The following MTMR1 variants were observed in gnomAD, a reference collection of about 807,000 sequenced individuals.
The protein encoded by MTMR1 is phosphatidylinositol-3-phosphate phosphatase MTMR1.
Under a neutral mutation model 51.6 loss-of-function variants are expected in MTMR1, and 17 were observed. The ratio of observed to expected loss-of-function variants is 0.33; its 90% CI spans 0.23 to 0.49. The LOEUF (loss-of-function observed/expected upper bound fraction) is 0.49, where lower values mean the gene tolerates loss of function less well. Ranked by LOEUF, MTMR1 falls within the 20% of genes least tolerant of loss-of-function variation. MTMR1 has a pLI of 0.99. For missense variants in MTMR1, 386 were observed against 526.9 expected (o/e 0.73, Z 2.62); for synonymous variants, 201 against 205.6 (o/e 0.98, Z 0.19).
chrX:150,710,847 G>C (rs2041283126), intron 2 of MTMR1, among the ~76,000 whole-genome samples: 1 of 112,134 alleles, frequency 8.9e-6, no homozygotes, highest in Admixed American at 9.4e-5. Context: ...AGTAGTTTGA[G>C]AGTTAATTTT....
Position 150,765,019 on chromosome X carries a change from C to G in MTMR1, c.*2290C>G, listed in dbSNP as rs2043258215. 1 of 112,309 alleles carries G rather than the reference C, an allele frequency of 8.9e-6. No individual in the cohort carries two copies. Among genetic ancestry groups the G allele is most frequent in the Non-Finnish European group, 1.9e-5 (1 of 53,314 alleles). The allele number at this position is 112,309 out of a possible 1,213,427, so 9.3% of individuals were successfully genotyped here. A position where few individuals can be genotyped will look rare whatever the true frequency, so the allele number is the denominator to read the frequency against. On this transcript the variant is annotated 3_prime_UTR_variant, in exon 16 of 16. Coordinates refer to ENST00000445323, the MANE Select transcript of MTMR1 (RefSeq NM_001306144.3). ...TAAAATAACATGGATTGAATGTTTA[C>G]TGTGCGTCAAGCACAGTTAATATAT...
rs945722437 is a variant in MTMR1, at chrX:150,716,509, A to T, written c.277-2116A>T. 8.0e-5 allele frequency among the ~76,000 whole-genome samples: 9 copies of T among 113,070 alleles called. No homozygotes were observed. In the Admixed American group the frequency reaches 8.4e-4, roughly 11 times the overall value. On this transcript the variant is annotated intron_variant, in intron 3 of 15. Transcript: ENST00000445323. ...GTGTTTACTTCCAAAAAATTTTGGCAGAAAATGTCTTTAAAAACCAGTCTG... is the reference window on the plus strand; with the variant it reads ...GTGTTTACTTCCAAAAAATTTTGGCTGAAAATGTCTTTAAAAACCAGTCTG...
At chrX:150,718,130 G>A (rs782519670) in intron 3 of MTMR1, among the ~76,000 whole-genome samples, 2 of 112,607 alleles carry the variant, frequency 1.8e-5, no homozygotes, top group South Asian at 3.7e-4. Flanking sequence ...TTCCTTAGTT[G>A]TGTACTGTAC....
At chrX:150,697,661 G>A (rs964414260) in intron 1 of MTMR1, among the ~76,000 whole-genome samples, 23 of 111,729 alleles carry the variant, frequency 2.1e-4, no homozygotes, top group East Asian at 2.8e-4. Flanking sequence ...CTTGCCAGTC[G>A]TGTGACCTTG....
In MTMR1 at chrX:150,699,242, C is replaced by T; in HGVS notation, c.194C>T (p.Thr65Ile). 1 of 1,207,050 alleles carries T rather than the reference C, an allele frequency of 8.3e-7. No homozygotes were observed. Among genetic ancestry groups the T allele is most frequent in the Non-Finnish European group, 1.1e-6 (1 of 892,913 alleles). ...TGGTGTAAACAGCTTATAGCTGCTA[C>T]AATTTCTAGTCAGATTTCAGGTTCA... ...VEWCKQLIAA[T>I]ISSQISGSVT... Residue 65 changes from threonine (T) to isoleucine (I), a missense_variant, in exon 2 of 16, where the codon ACA becomes ATA. Transcript: ENST00000445323.
At chrX:150,712,882 A>C in intron 3 of MTMR1, 1 of 769,377 alleles carries the variant, frequency 1.3e-6, no homozygotes, top group African/African-American at 2.3e-5. Context: ...TATTTTTTAA[A>C]ATACAGATAT....
chrX:150,716,819 A>G (rs782154843), intron 3 of MTMR1, among the ~76,000 whole-genome samples: 1 of 112,721 alleles, frequency 8.9e-6, no homozygotes, highest in Non-Finnish European at 1.9e-5. Flanking sequence ...AACTATGAAA[A>G]TAATTACTAT....
At chrX:150,714,953 A>G (rs1048257967) in intron 3 of MTMR1, among the ~76,000 whole-genome samples, 9 of 112,144 alleles carry the variant, frequency 8.0e-5, no homozygotes, top group Non-Finnish European at 9.4e-5. Flanking sequence ...ATTGGTACAT[A>G]TATTAATCAG....
chrX:150,698,669 TAC>T (rs1269816051), intron 1 of MTMR1, among the ~76,000 whole-genome samples: 1 of 64,130 alleles, frequency 1.6e-5, no homozygotes, highest in East Asian at 4.9e-4. Flanking sequence ...AAACCCTGTC[TAC>T]ACGCGCGCGC....
intron 2 of MTMR1, among the ~76,000 whole-genome samples, chrX:150,709,951 A>G (rs1460289822): frequency 8.9e-6 from 1 of 112,376 alleles, no homozygotes; most frequent in Non-Finnish European, 1.9e-5. Flanking sequence ...CAATATTTTC[A>G]TAAAGATTTT....
At chrX:150,751,970 G>T (rs1180719081) in intron 14 of MTMR1, among the ~76,000 whole-genome samples, 9 of 87,082 alleles carry the variant, frequency 1.0e-4, no homozygotes, top group Non-Finnish European at 1.7e-4. Flanking sequence ...AGGATGTAGT[G>T]CAGTGGCGCC....
intron 3 of MTMR1, among the ~76,000 whole-genome samples, chrX:150,716,476 C>G (rs1557416394): frequency 8.9e-6 from 1 of 112,904 alleles, no homozygotes; most frequent in East Asian, 2.7e-4. Context: ...TCCACACCTA[C>G]CCTTAATGTG....
At chrX:150,696,366 C>G (rs2040677098) in intron 1 of MTMR1, among the ~76,000 whole-genome samples, 1 of 111,248 alleles carries the variant, frequency 9.0e-6, no homozygotes, top group African/African-American at 3.3e-5. Flanking sequence ...TTGGCCATGT[C>G]CCTGGGACTA....
intron 14 of MTMR1, among the ~76,000 whole-genome samples, chrX:150,753,216 TTTTG>T (rs2042803807): frequency 8.9e-6 from 1 of 112,478 alleles, no homozygotes. Flanking sequence ...ATAGACCACA[TTTTG>T]TTTATCCATT....
intron 15 of MTMR1, among the ~76,000 whole-genome samples, chrX:150,756,635 C>G (rs1557417770): frequency 8.9e-6 from 1 of 112,050 alleles, no homozygotes; most frequent in Non-Finnish European, 1.9e-5. Flanking sequence ...TAACTGTCTG[C>G]TGAGACTTTT....
intron 15 of MTMR1, among the ~76,000 whole-genome samples, chrX:150,757,859 CTA>C (rs1373155420): frequency 9.0e-6 from 1 of 111,109 alleles, no homozygotes; most frequent in Non-Finnish European, 1.9e-5. Flanking sequence ...TCTGGCGGCC[CTA>C]TGTTGATTGC....
chrX:150,754,367 C>T lies in MTMR1; in HGVS notation c.1681-1322C>T, dbSNP rs146364627. On this transcript the variant is annotated intron_variant, in intron 14 of 15. Transcript: ENST00000445323. ...ATAAATGTATACAAATTGAAATGGT[C>T]CTAATTGAATGTTCCTGTATTTAGA... Among the ~76,000 whole-genome samples, 908 of 112,661 alleles carry T rather than the reference C, an allele frequency of 8.1e-3. 7 individuals carry two copies. The highest frequency in any genetic ancestry group is 0.012 in the Non-Finnish European group (659 of 53,314).
chrX:150,744,504 TAAAG>T (rs1557417403), intron 13 of MTMR1, 51 bp downstream of exon 13: 1 of 980,597 alleles, frequency 1.0e-6, no homozygotes, highest in South Asian at 2.1e-5. Context: ...AAATATATCT[TAAAG>T]ATTAAACTAT....
intron 2 of MTMR1, 136 bp from the exon 3 acceptor site, chrX:150,712,206 G>A: frequency 2.0e-6 from 1 of 503,386 alleles, no homozygotes; most frequent in Non-Finnish European, 3.4e-6. Flanking sequence ...GGGCAAATGT[G>A]TTATGATTGA....
Sources: allele counts gnomAD v4.1 joint callset (sites outside exome capture counted in the v4.1 genomes callset), GRCh38; gene constraint gnomAD v4.1.1; transcripts MANE v1.5; gene names NCBI Gene and HGNC (gene_info 2026-07-23, HGNC 2026-07-21).